CDYL2: variants seen among roughly 807,000 people sequenced by gnomAD.
CDYL2 encodes chromodomain Y like 2.
In CDYL2, 23 loss-of-function variants were observed where a neutral mutation model predicts 49.4. That is an observed-to-expected ratio of 0.47 (90% CI 0.34 to 0.66). CDYL2 has a LOEUF of 0.66. Among genes scored for constraint, CDYL2 ranks in the 30% least tolerant of loss-of-function variants. The probability of loss-of-function intolerance (pLI) is 0.01; values close to 1 mark genes in which losing one functional copy is unlikely to be tolerated. For missense variants in CDYL2, 678 were observed against 656.4 expected (o/e 1.03, Z -0.36); for synonymous variants, 360 against 268.8 (o/e 1.34, Z -3.32).
intron 3 of CDYL2, among the ~76,000 whole-genome samples, chr16:80,630,778 A>T (rs1372889900): frequency 6.6e-6 from 1 of 152,142 alleles, no homozygotes; most frequent in Non-Finnish European, 1.5e-5. Flanking sequence ...CCGCACCCAC[A>T]ACCCCGTAAA....
intron 1 of CDYL2, among the ~76,000 whole-genome samples, chr16:80,745,098 A>G (rs922448150): frequency 6.6e-6 from 1 of 152,086 alleles, no homozygotes; most frequent in African/African-American, 2.4e-5. Context: ...TAATCTGCAA[A>G]ACCACTCCCC....
intron 1 of CDYL2, among the ~76,000 whole-genome samples, chr16:80,791,137 A>G (rs1907595868): frequency 6.6e-6 from 1 of 152,202 alleles, no homozygotes. Context: ...ACAAGATTAC[A>G]TTTATTGATA....
In CDYL2 at chr16:80,771,125, G is replaced by C. The variant is rs529005004; in HGVS notation, c.24+33025C>G. On this transcript the variant is annotated intron_variant, in intron 1 of 6. Transcript: ENST00000570137. ...ATCTCCATCTTTGTAAGTGGTTTAA[G>C]ATGATCCTATATTTCTCCACTGTCT... Among the ~76,000 whole-genome samples the C allele has an allele frequency of 7.2e-5, 11 of 152,336 alleles. No individual in the cohort carries two copies. In the South Asian group the frequency reaches 1.7e-3, roughly 23 times the overall value.
At chr16:80,700,319 C>T (rs541645548) in intron 1 of CDYL2, among the ~76,000 whole-genome samples, 1 of 152,222 alleles carries the variant, frequency 6.6e-6, no homozygotes, top group East Asian at 1.9e-4. Flanking sequence ...AATCTAATGG[C>T]CATGAAGAGT....
chr16:80,742,145 C>T (rs1339043845), intron 1 of CDYL2: 1 of 152,188 alleles, frequency 6.6e-6, no homozygotes, highest in Admixed American at 6.5e-5. Context: ...CAAGGTCACA[C>T]AATACGAGGT....
chr16:80,651,605 C>A (rs1222185897), intron 2 of CDYL2, among the ~76,000 whole-genome samples: 1 of 152,150 alleles, frequency 6.6e-6, no homozygotes, highest in African/African-American at 2.4e-5. Context: ...TTAAAAATGT[C>A]ATTTAGGAGG....
chr16:80,779,682 A>T (rs1363339801), intron 1 of CDYL2, among the ~76,000 whole-genome samples: 3 of 152,156 alleles, frequency 2.0e-5, no homozygotes, highest in African/African-American at 7.2e-5. Context: ...GTTATAGAAC[A>T]CTATTAAATG....
At chr16:80,753,471 G>T (rs541554853) in intron 1 of CDYL2, among the ~76,000 whole-genome samples, 6 of 152,256 alleles carry the variant, frequency 3.9e-5, no homozygotes, top group African/African-American at 1.4e-4. Context: ...AGCCAGGCGT[G>T]GTGGCGCATG....
chr16:80,600,516 A>T lies in CDYL2; in HGVS notation c.*3872T>A, dbSNP rs1312519758. ...AAAGGCAAAGTGTAGATGTTTAAAG[A>T]TTATACAAAACCATTTACAGAGAAT... is the stretch of plus-strand genomic sequence containing the variant. On this transcript the variant is annotated 3_prime_UTR_variant, in exon 7 of 7. Coordinates refer to ENST00000570137, the MANE Select transcript of CDYL2 (RefSeq NM_152342.4). The T allele has an allele frequency of 6.6e-6, 1 of 152,076 alleles. No homozygotes were observed. The highest frequency in any genetic ancestry group is 2.1e-4 in the South Asian group (1 of 4,826). 9.4% of individuals were successfully genotyped at this position (152,076 alleles called of 1,614,324 possible).
At chr16:80,682,298 T>G (rs976122644) in intron 2 of CDYL2, among the ~76,000 whole-genome samples, 1 of 152,036 alleles carries the variant, frequency 6.6e-6, no homozygotes, top group East Asian at 1.9e-4. Context: ...ATGAGGAAGA[T>G]AAGAGATCAG....
At chr16:80,669,648 G>A (rs1909416308) in intron 2 of CDYL2, among the ~76,000 whole-genome samples, 1 of 152,120 alleles carries the variant, frequency 6.6e-6, no homozygotes, top group South Asian at 2.1e-4. Flanking sequence ...AGGGTCGGTG[G>A]GCAAGACAGC....
intron 2 of CDYL2, among the ~76,000 whole-genome samples, chr16:80,672,352 C>CACACACACACAGAGAGAG (rs68130206): frequency 4.8e-4 from 57 of 117,840 alleles, no homozygotes; most frequent in Admixed American, 7.8e-4. Context: ...CACACACACA[C>CACACACACACAGAGAGAG]AGAGAGAGAG....
intron 1 of CDYL2, among the ~76,000 whole-genome samples, chr16:80,753,143 C>T (rs1329346540): frequency 1.3e-5 from 2 of 151,876 alleles, no homozygotes; most frequent in African/African-American, 2.4e-5. Context: ...GTAATTTACA[C>T]TTTTCTTTAC....
At chr16:80,696,106 T>G (rs1242198430) in intron 1 of CDYL2, among the ~76,000 whole-genome samples, 1 of 152,158 alleles carries the variant, frequency 6.6e-6, no homozygotes, top group Non-Finnish European at 1.5e-5. Flanking sequence ...ACCTTGAAAC[T>G]GTACAAATAA....
At chr16:80,766,174 C>T (rs147629419) in intron 1 of CDYL2, among the ~76,000 whole-genome samples, 268 of 151,766 alleles carry the variant, frequency 1.8e-3, no homozygotes, top group Middle Eastern at 0.01. Context: ...AAACTGATTA[C>T]GATAATGGCT....
rs544845910 is a variant in CDYL2 at position 80,672,229 on chromosome 16, A to G, written c.616+12309T>C. Among the ~76,000 whole-genome samples the G allele has an allele frequency of 2.6e-5, 4 of 152,050 alleles. No homozygotes were observed. The East Asian group carries it at 7.7e-4, about 29-fold the overall frequency. ...ATGGCACTACTAAAATTCCAATATG[A>G]AGAGTTGCCCAATATGGAAATAGAC... On this transcript the variant is annotated intron_variant, in intron 2 of 6. Transcript: ENST00000570137.
At chr16:80,673,002 G>A (rs1424835871) in intron 2 of CDYL2, among the ~76,000 whole-genome samples, 1 of 152,226 alleles carries the variant, frequency 6.6e-6, no homozygotes, top group East Asian at 1.9e-4. Context: ...TGTAGGAGGA[G>A]CTGCTTGCTC....
chr16:80,684,420 C>T (rs1418025342), intron 2 of CDYL2, 118 bp downstream of exon 2: 3 of 939,466 alleles, frequency 3.2e-6, no homozygotes, highest in Non-Finnish European at 4.8e-6. Context: ...GGGGGAATTG[C>T]TGGCTAGCTA....
intron 1 of CDYL2, among the ~76,000 whole-genome samples, chr16:80,746,022 C>G (rs1353569099): frequency 6.6e-6 from 1 of 152,232 alleles, no homozygotes; most frequent in African/African-American, 2.4e-5. Flanking sequence ...TCGCACTTGT[C>G]TCTGTATTAT....
Sources: gnomAD v4.1 joint callset for allele counts (sites outside exome capture counted in the v4.1 genomes callset) on GRCh38, gnomAD v4.1.1 for gene constraint, MANE v1.5 for transcripts, NCBI Gene and HGNC (gene_info 2026-07-23, HGNC 2026-07-21) for gene names.